C2orf76: variants seen among roughly 807,000 people sequenced by gnomAD.
C2orf76 encodes the protein chromosome 2 open reading frame 76, also known as UPF0538 protein C2orf76.
In C2orf76, 23 loss-of-function variants were observed where a neutral mutation model predicts 16.9. The observed-to-expected ratio is 1.36, with a 90% CI of 0.98 to 1.93. The LOEUF (loss-of-function observed/expected upper bound fraction) is 1.93, where lower values mean the gene tolerates loss of function less well. Among genes scored for constraint, C2orf76 ranks in the 30% most tolerant of loss-of-function variants. C2orf76 has a pLI of 0.00. For synonymous variants in C2orf76, 48 were observed against 52.3 expected, an observed-to-expected ratio of 0.92 and a Z score of 0.35; for missense variants, 152 against 152.6, an observed-to-expected ratio of 1.00 and a Z score of 0.02.
intron 5 of C2orf76, chr2:119,311,288 T>C (rs1422362294): frequency 1.0e-6 from 1 of 985,274 alleles, no homozygotes; most frequent in African/African-American, 1.7e-5. Context: ...TGTCCATTTC[T>C]CTCCAACCAT....
intron 1 of C2orf76, among the ~76,000 whole-genome samples, chr2:119,360,477 CAAAAAAAAAAAAA>C (rs770401400): frequency 7.5e-5 from 5 of 66,924 alleles, no homozygotes; most frequent in East Asian, 5.1e-4. Context: ...AACTCTGTCT[CAAAAAAAAAAAAA>C]AAAAAAAAAA....
At chr2:119,320,131 T>TTTCA (rs979044256) in intron 3 of C2orf76, among the ~76,000 whole-genome samples, 3 of 152,172 alleles carry the variant, frequency 2.0e-5, no homozygotes, top group African/African-American at 7.2e-5. Context: ...ATTCTAACGC[T>TTTCA]TTCATTATCT....
intron 5 of C2orf76, among the ~76,000 whole-genome samples, chr2:119,303,224 T>C (rs368597833): frequency 2.0e-5 from 3 of 152,336 alleles, no homozygotes; most frequent in East Asian, 3.9e-4. Flanking sequence ...TTCAGAGCAG[T>C]CACAATTCTT....
At chr2:119,288,315 C>T in the C2orf76 span, among the ~76,000 whole-genome samples, 1 of 151,928 alleles carries the variant, frequency 6.6e-6, no homozygotes. Flanking sequence ...TGCCACTGCG[C>T]CCAGCTAATT....
intron 1 of C2orf76, among the ~76,000 whole-genome samples, chr2:119,362,654 G>C (rs927760409): frequency 3.3e-5 from 5 of 152,158 alleles, no homozygotes; most frequent in African/African-American, 9.7e-5. Context: ...ACAGAGCGCA[G>C]GCAGCACCTG....
At chr2:119,311,475 T>C (rs1337723092) in intron 5 of C2orf76, 147 bp downstream of exon 5, 7 of 1,419,878 alleles carry the variant, frequency 4.9e-6, no homozygotes, top group Non-Finnish European at 6.4e-6. Context: ...ATCATTCTCA[T>C]CCTCCTCCTC....
chr2:119,354,818 T>C (rs1160375087), intron 1 of C2orf76, among the ~76,000 whole-genome samples: 1 of 152,188 alleles, frequency 6.6e-6, no homozygotes, highest in Non-Finnish European at 1.5e-5. Context: ...GGTAACACAA[T>C]AGGTACAAGA....
intron 1 of C2orf76, among the ~76,000 whole-genome samples, chr2:119,351,114 G>T (rs1281684591): frequency 6.6e-6 from 1 of 152,146 alleles, no homozygotes; most frequent in Non-Finnish European, 1.5e-5. Flanking sequence ...TCGTGAGCTC[G>T]ACTTCACATT....
intron 1 of C2orf76, among the ~76,000 whole-genome samples, chr2:119,360,401 TG>T (rs957080003): frequency 7.1e-6 from 1 of 140,018 alleles, no homozygotes; most frequent in African/African-American, 2.7e-5. Flanking sequence ...CGCTTGAACC[TG>T]GGAGGCAGAA....
At chr2:119,347,187 C>T (rs1171319147) in intron 1 of C2orf76, among the ~76,000 whole-genome samples, 2 of 152,126 alleles carry the variant, frequency 1.3e-5, no homozygotes, top group African/African-American at 4.8e-5. Flanking sequence ...CCCAGTTTAT[C>T]AGCTATGACA....
the C2orf76 span, among the ~76,000 whole-genome samples, chr2:119,290,862 G>C: frequency 1.3e-5 from 2 of 152,028 alleles, no homozygotes; most frequent in Non-Finnish European, 2.9e-5. Context: ...TAAAATTTTA[G>C]GCAGTAGCAA....
At chr2:119,309,800 C>T (rs528415463) in intron 5 of C2orf76, among the ~76,000 whole-genome samples, 2 of 152,262 alleles carry the variant, frequency 1.3e-5, no homozygotes, top group African/African-American at 4.8e-5. Flanking sequence ...ACTGTGTTTA[C>T]AGTTTTTAGT....
the C2orf76 span, among the ~76,000 whole-genome samples, chr2:119,295,841 G>A: frequency 2.0e-5 from 3 of 152,146 alleles, no homozygotes; most frequent in Non-Finnish European, 4.4e-5. Flanking sequence ...ATCCAAAGTG[G>A]CAGCAGCACG....
At chr2:119,325,406 G>A (rs1449908297) in intron 2 of C2orf76, among the ~76,000 whole-genome samples, 2 of 144,508 alleles carry the variant, frequency 1.4e-5, no homozygotes, top group East Asian at 4.1e-4. Flanking sequence ...GTTGCGGTGA[G>A]CCGAGATCTT....
chr2:119,287,325 C>A, the C2orf76 span, among the ~76,000 whole-genome samples: 3,185 of 152,166 alleles, frequency 0.021, 102 homozygotes, highest in African/African-American at 0.071. Context: ...TATGCAATAT[C>A]CACATAATGG....
intron 1 of C2orf76, among the ~76,000 whole-genome samples, chr2:119,356,932 C>T (rs942087035): frequency 2.6e-5 from 4 of 152,170 alleles, no homozygotes; most frequent in African/African-American, 9.6e-5. Context: ...CTAAAACTAC[C>T]ACCACTCACC....
chr2:119,314,270 C>G (rs1191143582), intron 4 of C2orf76, among the ~76,000 whole-genome samples: 3 of 151,866 alleles, frequency 2.0e-5, no homozygotes, highest in Non-Finnish European at 2.9e-5. Flanking sequence ...GTAATAAACC[C>G]CCTGCCCTGT....
intron 3 of C2orf76, among the ~76,000 whole-genome samples, chr2:119,319,159 C>A (rs903489235): frequency 6.6e-6 from 1 of 152,078 alleles, no homozygotes; most frequent in Non-Finnish European, 1.5e-5. Context: ...AAATATTAAT[C>A]CTGTTCTATA....
intron 4 of C2orf76, 128 bp from the exon 5 acceptor site, chr2:119,311,831 C>G (rs576512399): frequency 2.4e-6 from 2 of 845,716 alleles, no homozygotes; most frequent in Non-Finnish European, 3.6e-6. Flanking sequence ...CTGCCCTGGC[C>G]GTAATGAGGG....
Sources: allele counts gnomAD v4.1 joint callset (sites outside exome capture counted in the v4.1 genomes callset), GRCh38; gene constraint gnomAD v4.1.1; transcripts MANE v1.5; gene names NCBI Gene and HGNC (gene_info 2026-07-23, HGNC 2026-07-21).